The following EFCAB11 variants were observed in gnomAD, a reference collection of about 807,000 sequenced individuals.
The protein encoded by EFCAB11 is EF-hand calcium binding domain 11.
A neutral mutation model predicts 23.0 loss-of-function variants in EFCAB11; 14 were observed. That is an observed-to-expected ratio of 0.61 (90% CI 0.40 to 0.95). EFCAB11 has a LOEUF of 0.95. Among genes scored for constraint, EFCAB11 ranks in the 40% least tolerant of loss-of-function variants. EFCAB11 has a pLI of 0.00. For synonymous variants in EFCAB11, 65 were observed against 66.6 expected (o/e 0.98, Z 0.11); for missense variants, 198 against 195.8 (o/e 1.01, Z -0.07).
rs117369483 is a variant in EFCAB11 at position 89,874,624 on chromosome 14, G to A, written c.410+56917C>T. ...TTAAGAGTACTCAAGTCAGCTGGGC[G>A]TGGTGGCTCACACCTGTAATCCCAG... On this transcript the variant is annotated intron_variant, in intron 5 of 5. Coordinates refer to ENST00000316738, the MANE Select transcript of EFCAB11 (RefSeq NM_145231.4). Among the ~76,000 whole-genome samples, 868 of 152,240 alleles carry A rather than the reference G, an allele frequency of 5.7e-3. 9 individuals carry two copies. The highest frequency in any genetic ancestry group is 0.024 in the Middle Eastern group (7 of 294).
chr14:89,953,821 T>C, intron 2 of EFCAB11, 85 bp downstream of exon 2: 2 of 1,143,658 alleles, frequency 1.7e-6, no homozygotes, highest in South Asian at 2.7e-5. Flanking sequence ...TTTATAAACA[T>C]CCTAAGCTAG....
Position 89,794,702 on chromosome 14 carries a change from A to G in EFCAB11, c.*2541T>C, listed in dbSNP as rs1885517321. On this transcript the variant is annotated 3_prime_UTR_variant, in exon 6 of 6. Coordinates refer to ENST00000316738, the MANE Select transcript of EFCAB11 (RefSeq NM_145231.4). ...TGAAATAAGATTTTATTTTTACTTGATTTTCAATGTTTTCTTCATTTTAGA... is the reference window on the plus strand; with the variant it reads ...TGAAATAAGATTTTATTTTTACTTGGTTTTCAATGTTTTCTTCATTTTAGA... The G allele has an allele frequency of 6.6e-6, 1 of 152,128 alleles. No individual in the cohort carries two copies. Among genetic ancestry groups the G allele is most frequent in the African/African-American group, 2.4e-5 (1 of 41,418 alleles). The allele number at this position is 152,128 out of a possible 1,614,324, so 9.4% of individuals were successfully genotyped here.
intron 5 of EFCAB11, among the ~76,000 whole-genome samples, chr14:89,920,189 T>C (rs577527363): frequency 6.6e-6 from 1 of 152,366 alleles, no homozygotes; most frequent in South Asian, 2.1e-4. Flanking sequence ...CTTCTACAGT[T>C]TGATGGATAT....
intron 5 of EFCAB11, among the ~76,000 whole-genome samples, chr14:89,895,251 T>G (rs1889118822): frequency 6.6e-6 from 1 of 152,226 alleles, no homozygotes; most frequent in Non-Finnish European, 1.5e-5. Context: ...AATATATTTA[T>G]GAATAGGAAG....
chr14:89,881,754 T>C (rs1161890479), intron 5 of EFCAB11, among the ~76,000 whole-genome samples: 1 of 151,966 alleles, frequency 6.6e-6, no homozygotes, highest in Non-Finnish European at 1.5e-5. Flanking sequence ...GGCCTGGAAC[T>C]AATATATTTT....
chr14:89,868,284 G>A (rs981633793), intron 5 of EFCAB11, among the ~76,000 whole-genome samples: 2 of 152,168 alleles, frequency 1.3e-5, no homozygotes, highest in Non-Finnish European at 2.9e-5. Flanking sequence ...CTAAAATAAA[G>A]GTTTCTCTTG....
At position 89,829,102 on chromosome 14, in the gene EFCAB11, C is replaced by T. The variant is rs568714667; in HGVS notation, c.411-31778G>A. Among the ~76,000 whole-genome samples, 4 of 152,280 alleles carry T rather than the reference C, an allele frequency of 2.6e-5. No individual in the cohort carries two copies. In the South Asian group the frequency reaches 8.3e-4, roughly 32 times the overall value. On this transcript the variant is annotated intron_variant, in intron 5 of 5. Coordinates refer to ENST00000316738, the MANE Select transcript of EFCAB11 (RefSeq NM_145231.4). ...TCAATTTTGTTGCTGACATACATAACTAAGTCTGAACTGTATAAAACTATG... is the reference window on the plus strand; with the variant it reads ...TCAATTTTGTTGCTGACATACATAATTAAGTCTGAACTGTATAAAACTATG...
At chr14:89,925,648 C>CTTTCTT (rs749910856) in intron 5 of EFCAB11, among the ~76,000 whole-genome samples, 7,472 of 134,608 alleles carry the variant, frequency 0.056, 386 homozygotes, top group African/African-American at 0.13. Context: ...ATGTTTCTTT[C>CTTTCTT]TTTTTTTTTT....
chr14:89,871,464 T>C (rs1050295702), intron 5 of EFCAB11, among the ~76,000 whole-genome samples: 4 of 152,192 alleles, frequency 2.6e-5, no homozygotes, highest in Non-Finnish European at 4.4e-5. Flanking sequence ...GAAGTCTTCC[T>C]GCCTGGAGGA....
Position 89,841,627 on chromosome 14 carries a change from GC to G in EFCAB11, c.411-44304del, listed in dbSNP as rs555427163. 4.0e-5 allele frequency among the ~76,000 whole-genome samples: 6 copies of G among 151,372 alleles called. No individual in the cohort carries two copies. The East Asian group carries it at 1.2e-3, about 30-fold the overall frequency. ...GGCAGTACTTGTCACTGCTGACCCC[GC>G]CCCCTCCTTTCTTCTTGACTCTATT... On this transcript the variant is annotated intron_variant, in intron 5 of 5. Coordinates refer to ENST00000316738, the MANE Select transcript of EFCAB11 (RefSeq NM_145231.4).
At position 89,906,921 on chromosome 14, in the gene EFCAB11, C is replaced by T. The variant is rs557020793; in HGVS notation, c.410+24620G>A. Among the ~76,000 whole-genome samples, 30 of 152,204 alleles carry T rather than the reference C, an allele frequency of 2.0e-4. No homozygotes were observed. In the South Asian group the frequency reaches 6.0e-3, roughly 30 times the overall value. ...ATGAAACCAAATTATTTTTTCTTCT[C>T]TATTTCTTACCATTAGATCACTGTA... is the stretch of plus-strand genomic sequence containing the variant. On this transcript the variant is annotated intron_variant, in intron 5 of 5. Coordinates refer to ENST00000316738, the MANE Select transcript of EFCAB11 (RefSeq NM_145231.4).
intron 5 of EFCAB11, among the ~76,000 whole-genome samples, chr14:89,818,301 A>AG (rs1886396829): frequency 6.6e-6 from 1 of 152,232 alleles, no homozygotes; most frequent in Non-Finnish European, 1.5e-5. Flanking sequence ...AATAGCAAGT[A>AG]AAGACAAGTG....
intron 5 of EFCAB11, among the ~76,000 whole-genome samples, chr14:89,798,737 A>G (rs1463162466): frequency 6.6e-6 from 1 of 152,180 alleles, no homozygotes; most frequent in African/African-American, 2.4e-5. Context: ...CTTGTAGAGA[A>G]GCAAATCCCT....
intron 5 of EFCAB11, among the ~76,000 whole-genome samples, chr14:89,898,791 T>A (rs1268020711): frequency 1.3e-5 from 2 of 150,658 alleles, no homozygotes; most frequent in Non-Finnish European, 3.0e-5. Context: ...CCTGCCTCAG[T>A]CTCCTGAGTA....
intron 3 of EFCAB11, among the ~76,000 whole-genome samples, chr14:89,948,693 A>C (rs1438554798): frequency 2.0e-5 from 3 of 152,216 alleles, no homozygotes; most frequent in Non-Finnish European, 4.4e-5. Context: ...GCAACAACAC[A>C]GATGAAAATG....
chr14:89,942,881 T>C (rs902685539), intron 3 of EFCAB11, among the ~76,000 whole-genome samples: 3 of 152,222 alleles, frequency 2.0e-5, no homozygotes, highest in Non-Finnish European at 2.9e-5. Flanking sequence ...AGGAAATCTC[T>C]ATTGAAATGA....
At chr14:89,806,742 T>C (rs1885983037) in intron 5 of EFCAB11, among the ~76,000 whole-genome samples, 1 of 152,204 alleles carries the variant, frequency 6.6e-6, no homozygotes, top group South Asian at 2.1e-4. Flanking sequence ...TCAACTGCTA[T>C]GACTTTGAAG....
In EFCAB11 at chr14:89,932,638, G is replaced by T; in HGVS notation, c.218-11C>A. The T allele has an allele frequency of 6.3e-7, 1 of 1,598,228 alleles. No individual in the cohort carries two copies. The highest frequency in any genetic ancestry group is 1.1e-5 in the South Asian group (1 of 90,390). ...CCTCGAGTAATATACCTAAAAGTTG[G>T]GGAAAAAACAATTTGTCAAAGATTA... On this transcript the variant is annotated splice_polypyrimidine_tract_variant and intron_variant, in intron 3 of 5. Coordinates refer to ENST00000316738, the MANE Select transcript of EFCAB11 (RefSeq NM_145231.4).
chr14:89,954,463 CT>C, intron 1 of EFCAB11, 122 bp downstream of exon 1: 1 of 1,539,456 alleles, frequency 6.5e-7, no homozygotes. Context: ...AACCACGACC[CT>C]TTGGACAGGC....
Sources: gnomAD v4.1 joint callset for allele counts (sites outside exome capture counted in the v4.1 genomes callset) on GRCh38, gnomAD v4.1.1 for gene constraint, MANE v1.5 for transcripts, NCBI Gene and HGNC (gene_info 2026-07-23, HGNC 2026-07-21) for gene names.